Variants in PLA2G2D observed in about 807,000 individuals in gnomAD.
PLA2G2D encodes group IID secretory phospholipase A2.
In PLA2G2D, 17 loss-of-function variants were observed where a neutral mutation model predicts 13.9. That is an observed-to-expected ratio of 1.23 (90% CI 0.84 to 1.84). The LOEUF (loss-of-function observed/expected upper bound fraction) is 1.84, where lower values mean the gene tolerates loss of function less well. Among genes scored for constraint, PLA2G2D ranks in the 40% most tolerant of loss-of-function variants. PLA2G2D has a pLI of 0.00. For synonymous variants in PLA2G2D, 83 were observed against 69.3 expected (o/e 1.20, Z -0.98); for missense variants, 194 against 178.7 (o/e 1.09, Z -0.49).
At chr1:20,118,669 G>C (rs943297850) in intron 1 of PLA2G2D, among the ~76,000 whole-genome samples, 1 of 152,190 alleles carries the variant, frequency 6.6e-6, no homozygotes, top group Admixed American at 6.5e-5. Flanking sequence ...TTACAGATGA[G>C]GATATTGAAA....
chr1:20,116,349 T>C lies in PLA2G2D; in HGVS notation c.169A>G (p.Lys57Glu), dbSNP rs1465758587. 4 of 1,614,068 alleles carry C rather than the reference T, an allele frequency of 2.5e-6. No individual in the cohort carries two copies. Among genetic ancestry groups the C allele is most frequent in the Non-Finnish European group, 1.7e-6 (2 of 1,180,010 alleles). ...AGGAGTTACCAGTCCGTGGCATCTTTGGGTTGGCCTCTGCCACCTAGTCCG... is the reference window on the plus strand; with the variant it reads ...AGGAGTTACCAGTCCGTGGCATCTTCGGGTTGGCCTCTGCCACCTAGTCCG... ...HCGLGGRGQPKDATDWCCQTH... is the reference protein window; with the variant it reads ...HCGLGGRGQPEDATDWCCQTH... Residue 57 changes from lysine (K) to glutamate (E), a missense_variant, in exon 2 of 4, where the codon AAA (lysine) becomes GAA (glutamate). Lys to Glu is a moderately conservative substitution (Grantham distance 56). Coordinates refer to ENST00000375105, the MANE Select transcript of PLA2G2D (RefSeq NM_012400.4).
chr1:20,115,645 TC>T, intron 2 of PLA2G2D, 32 bp from the exon 3 acceptor site: 2 of 1,375,522 alleles, frequency 1.5e-6, no homozygotes, highest in South Asian at 1.2e-5. Context: ...GCTGCATGGG[TC>T]CCCAGCCTAC....
chr1:20,116,373 C>T lies in PLA2G2D; in HGVS notation c.145G>A (p.Gly49Arg), dbSNP rs145752858. The T allele has an allele frequency of 1.2e-4, 193 of 1,614,188 alleles. No homozygotes were observed. Among genetic ancestry groups the T allele is most frequent in the African/African-American group, 1.1e-3 (82 of 75,062 alleles). Residue 49 changes from glycine to arginine, a missense_variant, in exon 2 of 4, where the codon GGA becomes AGA. Coordinates refer to ENST00000375105, the MANE Select transcript of PLA2G2D (RefSeq NM_012400.4). ...TTGGGTTGGCCTCTGCCACCTAGTC[C>T]GCAGTGACAGCCGTAGGGCCAGTAG... ...LSYWPYGCHC[G>R]LGGRGQPKDA...
chr1:20,114,394 C>A, intron 3 of PLA2G2D, 135 bp from the exon 4 acceptor site: 1 of 866,740 alleles, frequency 1.2e-6, no homozygotes. Context: ...TCGATTCTAG[C>A]TGCATGACTT....
rs578459 is a variant in PLA2G2D, at chr1:20,113,029, T to A, written c.*1085A>T. ...CAGGGAGAGGGGCCTTGGGCCTGGA[T>A]GATATCTGGGTGAGGTACCCACACC... is the stretch of plus-strand genomic sequence containing the variant. On this transcript the variant is annotated 3_prime_UTR_variant, in exon 4 of 4. Coordinates refer to ENST00000375105, the MANE Select transcript of PLA2G2D (RefSeq NM_012400.4). 0.65 allele frequency: 98,408 copies of A among 152,266 alleles called. 33,462 individuals carry two copies. Among genetic ancestry groups the A allele is most frequent in the African/African-American group, 0.88 (36,685 of 41,528 alleles). 9.4% of individuals were successfully genotyped at this position (152,266 alleles called of 1,614,324 possible).
chr1:20,116,530 C>T (rs1003371744), intron 1 of PLA2G2D, 53 bp from the exon 2 acceptor site: 51 of 1,582,506 alleles, frequency 3.2e-5, no homozygotes, highest in Middle Eastern at 1.7e-4. Context: ...TTCAGGGCAG[C>T]GCCAATGGGC....
intron 1 of PLA2G2D, 101 bp from the exon 2 acceptor site, chr1:20,116,578 T>A: frequency 1.0e-6 from 1 of 976,318 alleles, no homozygotes; most frequent in Non-Finnish European, 1.6e-6. Flanking sequence ...ACCAAATGAG[T>A]GACCTCAGAT....
rs2016989770 is a variant in PLA2G2D, at chr1:20,116,356, G to A, written c.162C>T (p.Gly54=). 6.2e-7 allele frequency: 1 copy of A among 1,614,074 alleles called. No individual in the cohort carries two copies. Among genetic ancestry groups the A allele is most frequent in the Non-Finnish European group, 8.5e-7 (1 of 1,179,998 alleles). ...YGCHCGLGGR[G]QPKDATDWCC... is the part of the protein sequence containing the mutation. ...ACCAGTCCGTGGCATCTTTGGGTTG[G>A]CCTCTGCCACCTAGTCCGCAGTGAC... The change falls in exon 2 of 4, where the codon GGC becomes GGT. Residue 54 remains glycine (G), a synonymous_variant. Transcript: ENST00000375105.
rs1357113776 is a variant in PLA2G2D at position 20,112,057 on chromosome 1, C to T, written c.*2057G>A. The T allele has an allele frequency of 1.3e-5, 2 of 151,646 alleles. No homozygotes were observed. The highest frequency in any genetic ancestry group is 4.9e-5 in the African/African-American group (2 of 41,234). The allele number at this position is 151,646 out of a possible 1,614,324, so 9.4% of individuals were successfully genotyped here. A position where few individuals can be genotyped will look rare whatever the true frequency, so the allele number is the denominator to read the frequency against. ...TCTGGGCTCACTGAAACCTCTGCCT[C>T]CCAGGTCCAAGTGATTCTCCTGCCT... On this transcript the variant is annotated 3_prime_UTR_variant, in exon 4 of 4. Coordinates refer to ENST00000375105, the MANE Select transcript of PLA2G2D (RefSeq NM_012400.4).
chr1:20,116,553 C>T, intron 1 of PLA2G2D, 76 bp from the exon 2 acceptor site: 3 of 1,390,228 alleles, frequency 2.2e-6, no homozygotes, highest in Non-Finnish European at 3.1e-6. Flanking sequence ...AGGACGGCAC[C>T]TCTGCTCTGC....
At chr1:20,119,112 G>T (rs974242192) in intron 1 of PLA2G2D, among the ~76,000 whole-genome samples, 20 of 152,172 alleles carry the variant, frequency 1.3e-4, no homozygotes, top group African/African-American at 4.8e-4. Flanking sequence ...CTATGCATTC[G>T]TACGGGTTGC....
rs1202282777 is a variant in PLA2G2D at position 20,113,556 on chromosome 1, T to G, written c.*558A>C. On this transcript the variant is annotated 3_prime_UTR_variant, in exon 4 of 4. Transcript: ENST00000375105. ...CTGGTGTTGCTTTGGGCACCAGGGA[T>G]GCAACTGAGTTTAAGACAGGCATGG... The G allele has an allele frequency of 6.6e-6, 1 of 152,176 alleles. No individual in the cohort carries two copies. The highest frequency in any genetic ancestry group is 1.5e-5 in the Non-Finnish European group (1 of 68,108). The allele number at this position is 152,176 out of a possible 1,614,324, so 9.4% of individuals were successfully genotyped here. A position where few individuals can be genotyped will look rare whatever the true frequency, so the allele number is the denominator to read the frequency against.
intron 3 of PLA2G2D, among the ~76,000 whole-genome samples, chr1:20,114,729 G>A (rs2016949452): frequency 1.3e-5 from 2 of 152,158 alleles, no homozygotes; most frequent in Admixed American, 1.3e-4. Flanking sequence ...CTCCCGGGCA[G>A]GAGGGATCAC....
chr1:20,116,269 A>G (rs1328070338), intron 2 of PLA2G2D, 64 bp downstream of exon 2: 5 of 1,476,816 alleles, frequency 3.4e-6, no homozygotes, highest in Non-Finnish European at 4.7e-6. Flanking sequence ...AGGTGGGTGG[A>G]GAGAAAAGAA....
chr1:20,116,026 A>G (rs2016983110), intron 2 of PLA2G2D, among the ~76,000 whole-genome samples: 1 of 151,832 alleles, frequency 6.6e-6, no homozygotes, highest in African/African-American at 2.4e-5. Flanking sequence ...AGATAACAGA[A>G]AAAAAGAGGT....
rs2017030617 is a variant in PLA2G2D, at chr1:20,118,469, C to T, written c.40+990G>A. On this transcript the variant is annotated intron_variant, in intron 1 of 3. Transcript: ENST00000375105. ...TTCTTGCCTGGGTAACTTTTCCTAC[C>T]CTTGGCTGCCACTGACAGGGGTGAA... is the stretch of plus-strand genomic sequence containing the variant. Among the ~76,000 whole-genome samples the T allele has an allele frequency of 3.3e-5, 5 of 152,202 alleles. No individual in the cohort carries two copies. In the South Asian group the frequency reaches 1.0e-3, roughly 32 times the overall value.
In PLA2G2D at chr1:20,114,239, C is replaced by T; in HGVS notation, c.313G>A (p.Glu105Lys). Residue 105 changes from glutamate (E) to lysine (K), a missense_variant, in exon 4 of 4, where the codon GAG becomes AAG. Physicochemically the swap from Glu to Lys is moderately conservative, Grantham distance 56. Transcript: ENST00000375105. ...TTGTCACAGGCACACAGCTGCTGCT[C>T]ACACCAGCTTCCCTTGTCAGCTGTG... ...IHCSDKGSWC[E>K]QQLCACDKEV... 6.2e-7 allele frequency: 1 copy of T among 1,613,878 alleles called. No individual in the cohort carries two copies. Among genetic ancestry groups the T allele is most frequent in the Non-Finnish European group, 8.5e-7 (1 of 1,179,840 alleles).
rs529247790 is a variant in PLA2G2D, at chr1:20,119,376, G to A, written c.40+83C>T. The A allele has an allele frequency of 1.0e-3, 1,202 of 1,201,878 alleles. 3 individuals are homozygous for A. Among genetic ancestry groups the A allele is most frequent in the Non-Finnish European group, 1.2e-3 (974 of 804,772 alleles). The allele number at this position is 1,201,878 out of a possible 1,614,324, so 74.5% of individuals were successfully genotyped here. ...CAGGCTCCTGGGGATCAGAGCAGCA[G>A]CCCCCTAATCTGGGAAAGAGAGCAC... On this transcript the variant is annotated intron_variant, in intron 1 of 3. Coordinates refer to ENST00000375105, the MANE Select transcript of PLA2G2D (RefSeq NM_012400.4).
At position 20,114,340 on chromosome 1, in the gene PLA2G2D, A is replaced by G. The variant is rs376797457; in HGVS notation, c.293-81T>C. On this transcript the variant is annotated intron_variant, in intron 3 of 3. Transcript: ENST00000375105. ...TATGAGTCTAGCAGCCTCTGAAGTC[A>G]GTGCAGTTCCTACTCAGTCGTAGAG... The G allele has an allele frequency of 2.2e-4, 312 of 1,429,622 alleles. 3 individuals carry two copies. In the African/African-American group the frequency reaches 3.8e-3, roughly 18 times the overall value. 88.6% of individuals were successfully genotyped at this position (1,429,622 alleles called of 1,614,324 possible). A position where few individuals can be genotyped will look rare whatever the true frequency, so the allele number is the denominator to read the frequency against.
Sources: gnomAD v4.1 joint callset for allele counts (sites outside exome capture counted in the v4.1 genomes callset) on GRCh38, gnomAD v4.1.1 for gene constraint, MANE v1.5 for transcripts, NCBI Gene and HGNC (gene_info 2026-07-23, HGNC 2026-07-21) for gene names.